Variants in MTAP observed in about 807,000 individuals in gnomAD.
MTAP encodes methylthioadenosine phosphorylase, also known as S-methyl-5'-thioadenosine phosphorylase.
Under a neutral mutation model 33.6 loss-of-function variants are expected in MTAP, and 33 were observed. The ratio of observed to expected loss-of-function variants is 0.98; its 90% confidence interval spans 0.74 to 1.31. The LOEUF (loss-of-function observed/expected upper bound fraction) is 1.31. MTAP is among the 40% of genes most tolerant of loss of function. The probability of loss-of-function intolerance (pLI) is 0.00; values close to 1 mark genes in which losing one functional copy is unlikely to be tolerated. For synonymous variants in MTAP, 148 were observed against 125.7 expected, an observed-to-expected ratio of 1.18 and a Z score of -1.19; for missense variants, 367 against 360.0, an observed-to-expected ratio of 1.02 and a Z score of -0.16.
chr9:21,899,714 C>T (rs985635816), intron 1 of MTAP, among the ~76,000 whole-genome samples: 4 of 152,122 alleles, frequency 2.6e-5, no homozygotes, highest in Admixed American at 6.5e-5. Flanking sequence ...CACCCCCATC[C>T]AATTATCTCC....
chr9:21,841,376 G>C (rs765057313), intron 5 of MTAP, among the ~76,000 whole-genome samples: 3 of 152,328 alleles, frequency 2.0e-5, no homozygotes, highest in Non-Finnish European at 4.4e-5. Flanking sequence ...GGACGGAAAA[G>C]ACAACACCTA....
chr9:21,893,276 C>T (rs1020884376), intron 1 of MTAP: 1 of 152,082 alleles, frequency 6.6e-6, no homozygotes, highest in Non-Finnish European at 1.5e-5. Context: ...ACCATATCAG[C>T]ACTGGTACAA....
chr9:21,876,997 A>C (rs1205518031), intron 1 of MTAP, among the ~76,000 whole-genome samples: 1 of 152,106 alleles, frequency 6.6e-6, no homozygotes, highest in Non-Finnish European at 1.5e-5. Flanking sequence ...GTGAGCATGG[A>C]ATACTTTTCC....
intron 1 of MTAP, among the ~76,000 whole-genome samples, chr9:21,916,040 GAGA>G (rs1219951177): frequency 7.6e-6 from 1 of 131,966 alleles, no homozygotes; most frequent in African/African-American, 2.8e-5. Flanking sequence ...GAAAGACAGA[GAGA>G]AGGAGAGAGA....
intron 1 of MTAP, among the ~76,000 whole-genome samples, chr9:21,807,260 T>C (rs1392476657): frequency 1.3e-5 from 2 of 152,180 alleles, no homozygotes; most frequent in African/African-American, 2.4e-5. Flanking sequence ...GCTATCAACA[T>C]AATGATATTA....
chr9:21,859,470 A>T (rs1404889020), intron 7 of MTAP, 45 bp downstream of exon 7: 1 of 1,547,012 alleles, frequency 6.5e-7, no homozygotes, highest in African/African-American at 1.4e-5. Context: ...TAGACTCTCT[A>T]TTGTCTTCTT....
In MTAP at chr9:21,854,833, C is replaced by G. The variant is rs143080527; in HGVS notation, c.653C>G (p.Ala218Gly). Reference sequence around the variant, plus strand: ...ATTTGTTACGCAAGTATCGCCATGGCGACAGATTATGACTGCTGGAAGGAG... The same window carrying G: ...ATTTGTTACGCAAGTATCGCCATGGGGACAGATTATGACTGCTGGAAGGAG... ...AGICYASIAMATDYDCWKEHE... is the reference protein window; with the variant it reads ...AGICYASIAMGTDYDCWKEHE... Residue 218 changes from alanine to glycine, a missense_variant, in exon 6 of 8, where the codon GCG becomes GGG. By Grantham distance (60) the Ala-to-Gly change is moderately conservative. Coordinates refer to ENST00000644715, the MANE Select transcript of MTAP (RefSeq NM_002451.4). 6.2e-7 allele frequency: 1 copy of G among 1,614,026 alleles called. No individual in the cohort carries two copies. The highest frequency in any genetic ancestry group is 8.5e-7 in the Non-Finnish European group (1 of 1,179,958).
intron 1 of MTAP, among the ~76,000 whole-genome samples, chr9:21,887,499 T>C (rs1563859943): frequency 6.6e-6 from 1 of 152,194 alleles, no homozygotes; most frequent in Non-Finnish European, 1.5e-5. Flanking sequence ...ATTTTCTTAA[T>C]CCAGTCTATC....
At chr9:21,838,298 A>G (rs1043945229) in intron 5 of MTAP, among the ~76,000 whole-genome samples, 1 of 152,216 alleles carries the variant, frequency 6.6e-6, no homozygotes, top group African/African-American at 2.4e-5. Flanking sequence ...ACATTACTCA[A>G]GAGTATGCAG....
At chr9:21,932,025 A>T (rs1377206790), downstream of MTAP, 2 of 151,568 alleles carry the variant, frequency 1.3e-5, no homozygotes, top group Admixed American at 1.3e-4. Flanking sequence ...ATGAGACTCT[A>T]TTTTTTTTTC....
rs905254737 is a variant in MTAP at position 21,858,692 on chromosome 9, A to T, written c.691-611A>T. Among the ~76,000 whole-genome samples the T allele has an allele frequency of 2.0e-5, 3 of 152,216 alleles. No homozygotes were observed. The East Asian group carries it at 5.8e-4, about 29-fold the overall frequency. ...CCCACCTCCCACAATTCGACATGAGATTTGGTGAGGACACAAATCCAAACC... is the reference window on the plus strand; with the variant it reads ...CCCACCTCCCACAATTCGACATGAGTTTTGGTGAGGACACAAATCCAAACC... On this transcript the variant is annotated intron_variant, in intron 6 of 7. Transcript: ENST00000644715.
chr9:21,818,567 C>G (rs150521004), intron 4 of MTAP, among the ~76,000 whole-genome samples: 94 of 152,206 alleles, frequency 6.2e-4, no homozygotes, highest in Middle Eastern at 3.4e-3. Flanking sequence ...GATCACCCGC[C>G]TCCGCCTCCC....
intron 1 of MTAP, among the ~76,000 whole-genome samples, chr9:21,896,964 C>T (rs1223545212): frequency 6.6e-6 from 1 of 152,148 alleles, no homozygotes; most frequent in African/African-American, 2.4e-5. Context: ...TGATGAACAT[C>T]GATGCCAAAA....
In MTAP at chr9:21,820,524, C is replaced by T. The variant is rs182889608; in HGVS notation, c.347+2322C>T. Among the ~76,000 whole-genome samples, 532 of 152,234 alleles carry T rather than the reference C, an allele frequency of 3.5e-3. 3 individuals carry two copies. The highest frequency in any genetic ancestry group is 0.011 in the African/African-American group (458 of 41,530). On this transcript the variant is annotated intron_variant, in intron 4 of 7. Coordinates refer to ENST00000644715, the MANE Select transcript of MTAP (RefSeq NM_002451.4). ...TATATCTGTTTTGGTACCAGTACCACGCTGTTTTGGTGACTGTAGCCTTGT... is the reference window on the plus strand; with the variant it reads ...TATATCTGTTTTGGTACCAGTACCATGCTGTTTTGGTGACTGTAGCCTTGT...
intron 1 of MTAP, among the ~76,000 whole-genome samples, chr9:21,899,999 C>T (rs941908336): frequency 3.3e-5 from 5 of 152,086 alleles, no homozygotes; most frequent in African/African-American, 1.2e-4. Flanking sequence ...GAAACTGGAC[C>T]CCTTCCTTAT....
At chr9:21,924,496 G>T (rs527663849) in intron 1 of MTAP, among the ~76,000 whole-genome samples, 1 of 152,340 alleles carries the variant, frequency 6.6e-6, no homozygotes, top group South Asian at 2.1e-4. Flanking sequence ...AGGGAAAATA[G>T]ACAGAAATCC....
At chr9:21,933,896 C>A (rs980061379), downstream of MTAP, 1 of 152,146 alleles carries the variant, frequency 6.6e-6, no homozygotes, top group African/African-American at 2.4e-5. Context: ...AGCACTTATA[C>A]AAATTAAGTA....
chr9:21,920,391 T>C (rs1818768909), intron 1 of MTAP, among the ~76,000 whole-genome samples: 1 of 152,174 alleles, frequency 6.6e-6, no homozygotes, highest in Non-Finnish European at 1.5e-5. Context: ...TTTTTTAACA[T>C]GTTTTTTTCC....
intron 1 of MTAP, among the ~76,000 whole-genome samples, chr9:21,911,807 C>G (rs1048137301): frequency 6.6e-6 from 1 of 151,640 alleles, no homozygotes; most frequent in Admixed American, 6.6e-5. Flanking sequence ...GATAGAGACA[C>G]AAAAAACCCA....
Sources: allele counts gnomAD v4.1 joint callset (sites outside exome capture counted in the v4.1 genomes callset), GRCh38; gene constraint gnomAD v4.1.1; transcripts MANE v1.5; gene names NCBI Gene and HGNC (gene_info 2026-07-23, HGNC 2026-07-21).